Variants in SNX24 observed in about 807,000 individuals in gnomAD.
SNX24 encodes sorting nexin-24.
A neutral mutation model predicts 28.7 loss-of-function variants in SNX24; 22 were observed. The ratio of observed to expected loss-of-function variants is 0.77; its 90% CI spans 0.55 to 1.10. The LOEUF (loss-of-function observed/expected upper bound fraction) is 1.10, where lower values mean the gene tolerates loss of function less well. Among genes scored for constraint, SNX24 ranks in the 50% least tolerant of loss-of-function variants. The pLI, the probability that SNX24 is intolerant of heterozygous loss-of-function variation, is 0.00. For synonymous variants in SNX24, 69 were observed against 71.5 expected, an observed-to-expected ratio of 0.96 and a Z score of 0.18; for missense variants, 221 against 201.1, an observed-to-expected ratio of 1.10 and a Z score of -0.60.
intron 1 of SNX24, among the ~76,000 whole-genome samples, chr5:122,897,672 G>A (rs552904351): frequency 5.9e-5 from 9 of 152,288 alleles, no homozygotes; most frequent in South Asian, 2.1e-4. Context: ...ACAGATGCGC[G>A]TTTGCCAGCT....
At chr5:122,931,920 TAA>T (rs949902632) in intron 1 of SNX24, among the ~76,000 whole-genome samples, 2 of 152,110 alleles carry the variant, frequency 1.3e-5, no homozygotes, top group African/African-American at 4.8e-5. Flanking sequence ...ACTTGAAATA[TAA>T]GTTAAGTCCT....
At chr5:122,911,172 G>T (rs1347579587) in intron 1 of SNX24, among the ~76,000 whole-genome samples, 3 of 152,230 alleles carry the variant, frequency 2.0e-5, no homozygotes, top group African/African-American at 7.2e-5. Context: ...TAACTGGAGT[G>T]AGATGGTATC....
chr5:122,987,566 G>A (rs1416692780), intron 3 of SNX24, among the ~76,000 whole-genome samples: 1 of 152,182 alleles, frequency 6.6e-6, no homozygotes, highest in African/African-American at 2.4e-5. Context: ...AGATTGCTGG[G>A]ATTCAGCCAG....
intron 5 of SNX24, chr5:123,024,080 C>G: frequency 6.6e-7 from 1 of 1,505,980 alleles, no homozygotes. Flanking sequence ...CCAAAGCCAA[C>G]TCCAAAAGCC....
intron 3 of SNX24, among the ~76,000 whole-genome samples, chr5:122,968,926 A>G (rs1170985184): frequency 6.6e-6 from 1 of 152,154 alleles, no homozygotes; most frequent in Non-Finnish European, 1.5e-5. Context: ...ATCAGGTATA[A>G]TTAAATATGC....
At chr5:122,980,374 A>G (rs1039775883) in intron 3 of SNX24, among the ~76,000 whole-genome samples, 1 of 152,088 alleles carries the variant, frequency 6.6e-6, no homozygotes, top group Non-Finnish European at 1.5e-5. Flanking sequence ...GTTTTATTGT[A>G]TGCTATTTTT....
chr5:123,007,522 C>A (rs1762456846), intron 6 of SNX24, among the ~76,000 whole-genome samples, 160 bp from the exon 7 acceptor site: 1 of 152,230 alleles, frequency 6.6e-6, no homozygotes, highest in African/African-American at 2.4e-5. Flanking sequence ...AGCAGCATGA[C>A]TGATAGCACA....
At chr5:122,973,226 C>A (rs988753048) in intron 3 of SNX24, among the ~76,000 whole-genome samples, 3 of 152,174 alleles carry the variant, frequency 2.0e-5, no homozygotes, top group Non-Finnish European at 2.9e-5. Flanking sequence ...CTTCCAAGTC[C>A]CTGACCATCA....
chr5:122,867,340 T>C (rs1755766463), intron 1 of SNX24, among the ~76,000 whole-genome samples: 1 of 152,220 alleles, frequency 6.6e-6, no homozygotes, highest in South Asian at 2.1e-4. Context: ...AGAAGCATTG[T>C]GTGCAGGGAA....
At chr5:122,920,758 T>A (rs1758397838) in intron 1 of SNX24, among the ~76,000 whole-genome samples, 1 of 152,208 alleles carries the variant, frequency 6.6e-6, no homozygotes, top group African/African-American at 2.4e-5. Flanking sequence ...TTCACAGATA[T>A]TTTTTCTCAT....
downstream of SNX24, among the ~76,000 whole-genome samples, chr5:123,010,503 G>T (rs879559746): frequency 6.6e-6 from 1 of 152,072 alleles, no homozygotes; most frequent in African/African-American, 2.4e-5. Context: ...TGGCCAGGCT[G>T]GTCTTGAACT....
chr5:122,869,897 G>GTTTT lies in SNX24; in HGVS notation c.60+24214_60+24217dup, dbSNP rs10623024. ...GCAAATGCATTTCTTAGTGCTATGAGTTTTTTTTTTTTTACTGATGTTGTT... is the reference window on the plus strand; with the variant it reads ...GCAAATGCATTTCTTAGTGCTATGAGTTTTTTTTTTTTTTTTTACTGATGTTGTT... On this transcript the variant is annotated intron_variant, in intron 1 of 6. Transcript: ENST00000261369. Among the ~76,000 whole-genome samples, 21 of 147,742 alleles carry GTTTT rather than the reference G, an allele frequency of 1.4e-4. 1 individual carries two copies. Among genetic ancestry groups the GTTTT allele is most frequent in the East Asian group, 5.9e-4 (3 of 5,084 alleles).
chr5:122,911,046 T>C (rs1757863565), intron 1 of SNX24, among the ~76,000 whole-genome samples: 2 of 152,216 alleles, frequency 1.3e-5, no homozygotes, highest in South Asian at 4.1e-4. Flanking sequence ...ATCGCCACAG[T>C]GACTTCCACA....
At chr5:122,989,753 C>G (rs1761753348) in intron 3 of SNX24, among the ~76,000 whole-genome samples, 1 of 152,194 alleles carries the variant, frequency 6.6e-6, no homozygotes, top group Non-Finnish European at 1.5e-5. Context: ...TATATTCATT[C>G]TTGTGTATAG....
intron 1 of SNX24, among the ~76,000 whole-genome samples, chr5:122,872,263 T>C (rs1015705134): frequency 1.5e-4 from 23 of 151,986 alleles, no homozygotes; most frequent in African/African-American, 5.3e-4. Context: ...AGCCACTTCA[T>C]ATTTAAGAAC....
chr5:122,911,315 T>G (rs1210369822), intron 1 of SNX24, among the ~76,000 whole-genome samples: 1 of 152,194 alleles, frequency 6.6e-6, no homozygotes, highest in Non-Finnish European at 1.5e-5. Context: ...TTGATGGGGT[T>G]GTTTGTTTTT....
intron 3 of SNX24, among the ~76,000 whole-genome samples, chr5:122,969,868 A>G (rs1397018658): frequency 6.6e-6 from 1 of 152,022 alleles, no homozygotes; most frequent in Non-Finnish European, 1.5e-5. Context: ...TATTTCAGGC[A>G]TTATTATTCT....
At position 123,009,183 on chromosome 5, in the gene SNX24, TAAATA is replaced by T; in HGVS notation, c.*1438_*1442del. ...TTTTATGTTATTAGCTATTTGGAGTTAAATAAAAACAGAACAAGGAAACATTTGAG... is the reference window on the plus strand; with the variant it reads ...TTTTATGTTATTAGCTATTTGGAGTTAAAACAGAACAAGGAAACATTTGAG... On this transcript the variant is annotated 3_prime_UTR_variant, in exon 7 of 7. Transcript: ENST00000261369. The T allele has an allele frequency of 1.0e-6, 1 of 984,402 alleles. No individual in the cohort carries two copies. Among genetic ancestry groups the T allele is most frequent in the Non-Finnish European group, 1.2e-6 (1 of 828,672 alleles). 61.0% of individuals were successfully genotyped at this position (984,402 alleles called of 1,614,324 possible).
intron 1 of SNX24, among the ~76,000 whole-genome samples, chr5:122,860,834 G>C (rs768759835): frequency 6.6e-6 from 1 of 151,990 alleles, no homozygotes; most frequent in Non-Finnish European, 1.5e-5. Context: ...CTGACCTTGT[G>C]ATCCTCCTCC....
Sources: allele counts gnomAD v4.1 joint callset (sites outside exome capture counted in the v4.1 genomes callset), GRCh38; gene constraint gnomAD v4.1.1; transcripts MANE v1.5; gene names NCBI Gene and HGNC (gene_info 2026-07-23, HGNC 2026-07-21).